The following TTN variants were observed in gnomAD, a reference collection of about 807,000 sequenced individuals.
TTN encodes the protein connectin.
In TTN, 1,525 loss-of-function variants were observed where a neutral mutation model predicts 3,223.0. That is an observed-to-expected ratio of 0.47 (90% CI 0.45 to 0.49). The LOEUF (loss-of-function observed/expected upper bound fraction) is 0.49. Among genes scored for constraint, TTN ranks in the 20% least tolerant of loss-of-function variants. The probability of loss-of-function intolerance (pLI) is 0.00; values close to 1 mark genes in which losing one functional copy is unlikely to be tolerated. For synonymous variants in TTN, 14,094 were observed against 15,161.0 expected, an observed-to-expected ratio of 0.93 and a Z score of 5.17; for missense variants, 40,786 against 43,424.0, an observed-to-expected ratio of 0.94 and a Z score of 5.40.
At chr2:178,639,409 G>A (rs2060931541) in intron 223 of TTN, among the ~76,000 whole-genome samples, 3 of 151,976 alleles carry the variant, frequency 2.0e-5, no homozygotes, top group Admixed American at 2.0e-4. Context: ...TGTCTCCTTA[G>A]TTTTTATCAG....
Position 178,740,779 on chromosome 2 carries a change from G to A in TTN, c.12454C>T (p.Leu4152=). Residue 4152 remains leucine (L), a synonymous_variant, in exon 48 of 363, where the codon CTG becomes TTG. Transcript: ENST00000589042. ...GTTTTCTGGGACTGTACAATCTGCA[G>A]CTGTAGGTTGGGAGATGGTTCCTTG... The part of the protein sequence containing the change: ...PLKEPSPNLQ[L]QIVQSQKTFS... The A allele has an allele frequency of 1.2e-6, 2 of 1,613,542 alleles. No homozygotes were observed. Among genetic ancestry groups the A allele is most frequent in the South Asian group, 1.1e-5 (1 of 91,070 alleles).
chr2:178,739,796 A>G lies in TTN; in HGVS notation c.13437T>C (p.Ala4479=). Residue 4479 remains alanine (A), a synonymous_variant, in exon 48 of 363, where the codon GCT becomes GCC. Coordinates refer to ENST00000589042, the MANE Select transcript of TTN (RefSeq NM_001267550.2). The part of the protein sequence containing the change: ...LKMELRDALC[A]IIYEEIDILT... The stretch of plus-strand genomic sequence containing the variant: ...GGATGTCTATTTCCTCATATATAAT[A>G]GCACACAAAGCATCCCTAAGTTCCA... 1 of 1,613,842 alleles carries G rather than the reference A, an allele frequency of 6.2e-7. No homozygotes were observed. The highest frequency in any genetic ancestry group is 8.5e-7 in the Non-Finnish European group (1 of 1,179,816).
Position 178,561,939 on chromosome 2 carries a change from C to G in TTN, c.84193G>C (p.Asp28065His), listed in dbSNP as rs764469970. The G allele has an allele frequency of 1.7e-5, 28 of 1,613,468 alleles. No homozygotes were observed. The South Asian group carries it at 2.3e-4, about 13-fold the overall frequency. The change falls in exon 326 of 363, where the codon GAT becomes CAT. Residue 28065 changes from aspartate (D) to histidine (H), a missense_variant. Transcript: ENST00000589042. ...RPGPPGPIRI[D>H]EVSCDSITIS... ...GTTATGCTGTCACAACTAACCTCAT[C>G]AATACGTATAGGACCTGGAGGTCCT... is the stretch of plus-strand genomic sequence containing the variant.
Position 178,622,760 on chromosome 2 carries a change from A to G in TTN, c.44823T>C (p.His14941=), listed in dbSNP as rs768424171. 3 of 1,599,206 alleles carry G rather than the reference A, an allele frequency of 1.9e-6. No homozygotes were observed. The highest frequency in any genetic ancestry group is 2.3e-5 in the South Asian group (2 of 88,368). ...TSCNLNVVPP[H]VEFLRPLTDL... is the part of the protein sequence containing the mutation. ...CGGTGAGTGGTCTTAAGAATTCCAC[A>G]TGAGGAGCTGTAAGAGAATGTCATC... The change falls in exon 243 of 363, where the codon CAT becomes CAC. Residue 14941 remains histidine (H), a synonymous_variant. Transcript: ENST00000589042.
rs776041749 is a variant in TTN at position 178,718,615 on chromosome 2, CAT to C, written c.24506-17_24506-16del. 2.1e-5 allele frequency: 34 copies of C among 1,605,608 alleles called. No homozygotes were observed. The East Asian group carries it at 2.2e-4, about 11-fold the overall frequency. On this transcript the variant is annotated splice_polypyrimidine_tract_variant and intron_variant, in intron 84 of 362. Transcript: ENST00000589042. ...GGTGGCTGGTTCTATAAGGAGAAAA[CAT>C]GTGGGTAAAATTCTTGCCTTCTAAT...
At chr2:178,578,528 T>A in intron 321 of TTN, 83 bp downstream of exon 321, 1 of 1,039,020 alleles carries the variant, frequency 9.6e-7, no homozygotes, top group South Asian at 1.5e-5. Context: ...ATGTTATCGA[T>A]AAGCACATGT....
chr2:178,767,917 T>C lies in TTN; in HGVS notation c.9313A>G (p.Ile3105Val). Residue 3105 changes from isoleucine (I) to valine (V), a missense_variant, in exon 40 of 363, where the codon ATT (isoleucine) becomes GTT (valine). Physicochemically the swap from Ile to Val is conservative, Grantham distance 29. Transcript: ENST00000589042. Reference sequence around the variant, plus strand: ...CGGTGGACATATTTCTCCTTCTGAATCTTTATTCTATGGATGAAATGGAAA... The same window carrying C: ...CGGTGGACATATTTCTCCTTCTGAACCTTTATTCTATGGATGAAATGGAAA... ...QELQITDRIK[I>V]QKEKYVHRLL... is the part of the protein sequence containing the mutation. 1 of 1,614,096 alleles carries C rather than the reference T, an allele frequency of 6.2e-7. No homozygotes were observed. Among genetic ancestry groups the C allele is most frequent in the Non-Finnish European group, 8.5e-7 (1 of 1,179,998 alleles).
At chr2:178,755,903 C>T (rs1246839623) in intron 46 of TTN, among the ~76,000 whole-genome samples, 3 of 152,202 alleles carry the variant, frequency 2.0e-5, no homozygotes, top group Non-Finnish European at 2.9e-5. Context: ...AAGTACTTCT[C>T]AGAATACAAC....
rs779424493 is a variant in TTN at position 178,776,718 on chromosome 2, G to A, written c.5146C>T (p.Arg1716Cys). The change falls in exon 28 of 363, where the codon CGC (arginine) becomes TGC (cysteine). Residue 1716 changes from arginine (R) to cysteine (C), a missense_variant. Transcript: ENST00000589042. ...CATTCAAAGTGGGCAGGCCCAAAGC[G>A]CTTAAGTCTTAAGGAAGTGAGTTTT... ...KKKLTSLRLK[R>C]FGPAHFECRL... The A allele has an allele frequency of 6.8e-6, 11 of 1,613,954 alleles. No homozygotes were observed. Among genetic ancestry groups the A allele is most frequent in the African/African-American group, 2.7e-5 (2 of 74,908 alleles).
At chr2:178,670,087 T>G in intron 157 of TTN, 131 bp downstream of exon 157, 3 of 570,766 alleles carry the variant, frequency 5.3e-6, no homozygotes. Flanking sequence ...CAGGATTATG[T>G]TATAGAACAT....
Position 178,746,972 on chromosome 2 carries a change from G to T in TTN, c.11312-5051C>A. 2.5e-6 allele frequency: 4 copies of T among 1,613,498 alleles called. No homozygotes were observed. In the South Asian group the frequency reaches 4.4e-5, roughly 18 times the overall value. On this transcript the variant is annotated intron_variant, in intron 47 of 362. Coordinates refer to ENST00000589042, the MANE Select transcript of TTN (RefSeq NM_001267550.2). ...AGGTGTGTAGAAATGCTCATTTGGT[G>T]TACCGTCTTCCCTTTCTATTTTTGA...
At chr2:178,544,595 A>T (rs1696160611) in intron 344 of TTN, 89 bp from the exon 345 acceptor site, 1 of 1,148,516 alleles carries the variant, frequency 8.7e-7, no homozygotes, top group Admixed American at 2.1e-5. Context: ...TCACAAAGGC[A>T]TTATTGCTCT....
Position 178,615,448 on chromosome 2 carries a change from T to C in TTN, c.48497A>G (p.Asp16166Gly), listed in dbSNP as rs2154206145. ...PDPPENVKWR[D>G]RTANSIFLTW... ...TAAGAAGATGCTATTGGCTGTTCGA[T>C]CTCTCCATTTAACATTCTCTGGTGG... Residue 16166 changes from aspartate to glycine, a missense_variant, in exon 259 of 363, where the codon GAT becomes GGT. By Grantham distance (94) the Asp-to-Gly change is moderately conservative (BLOSUM62 -1). Coordinates refer to ENST00000589042, the MANE Select transcript of TTN (RefSeq NM_001267550.2). The C allele has an allele frequency of 6.2e-7, 1 of 1,612,460 alleles. No individual in the cohort carries two copies. Among genetic ancestry groups the C allele is most frequent in the Non-Finnish European group, 8.5e-7 (1 of 1,178,954 alleles).
rs1489773324 is a variant in TTN at position 178,555,015 on chromosome 2, G to T, written c.88444C>A (p.Gln29482Lys). The change falls in exon 331 of 363, where the codon CAA (glutamine) becomes AAA (lysine). Residue 29482 changes from glutamine to lysine, a missense_variant. By Grantham distance (53) the Gln-to-Lys change is moderately conservative. Coordinates refer to ENST00000589042, the MANE Select transcript of TTN (RefSeq NM_001267550.2). ...IEWYKDDKEL[Q>K]TNALVCVENT... ...TCAACACACACCAGTGCATTGGTTT[G>T]TAATTCTTTATCATCTTTATACCAC... 6.2e-7 allele frequency: 1 copy of T among 1,613,566 alleles called. No individual in the cohort carries two copies. The highest frequency in any genetic ancestry group is 8.5e-7 in the Non-Finnish European group (1 of 1,179,810).
At chr2:178,690,737 T>G (rs759760524) in intron 121 of TTN, among the ~76,000 whole-genome samples, 1 of 152,180 alleles carries the variant, frequency 6.6e-6, no homozygotes, top group Non-Finnish European at 1.5e-5. Flanking sequence ...TTGGTGCAAT[T>G]ATATAGCTGT....
In TTN at chr2:178,578,592, A is replaced by G; in HGVS notation, c.68329+19T>C. On this transcript the variant is annotated intron_variant, in intron 321 of 362. Coordinates refer to ENST00000589042, the MANE Select transcript of TTN (RefSeq NM_001267550.2). ...GGAATCTTGATGTAAAAGCTGTAGG[A>G]TAAGAACAAACAAAATACCTGTAAT... 1 of 1,576,998 alleles carries G rather than the reference A, an allele frequency of 6.3e-7. No homozygotes were observed. The highest frequency in any genetic ancestry group is 8.7e-7 in the Non-Finnish European group (1 of 1,150,462).
Position 178,557,697 on chromosome 2 carries a change from G to A in TTN, c.87657C>T (p.Gly29219=). 4 of 1,613,960 alleles carry A rather than the reference G, an allele frequency of 2.5e-6. No homozygotes were observed. Among genetic ancestry groups the A allele is most frequent in the Non-Finnish European group, 3.4e-6 (4 of 1,179,854 alleles). The change falls in exon 328 of 363, where the codon GGC becomes GGT. Residue 29219 remains glycine, a synonymous_variant. Transcript: ENST00000589042. The part of the protein sequence containing the change: ...QFRIKAENRF[G]ISDHIDSACV... ...AAGCTGAATCTATATGATCACTGATGCCAAAGCGGTTTTCTGCCTTGATGC... is the reference window on the plus strand; with the variant it reads ...AAGCTGAATCTATATGATCACTGATACCAAAGCGGTTTTCTGCCTTGATGC...
rs794729565 is a variant in TTN at position 178,532,076 on chromosome 2, A to G, written c.104539T>C (p.Tyr34847His). 14 of 1,613,754 alleles carry G rather than the reference A, an allele frequency of 8.7e-6. No homozygotes were observed. Among genetic ancestry groups the G allele is most frequent in the Non-Finnish European group, 1.2e-5 (14 of 1,179,856 alleles). Residue 34847 changes from tyrosine to histidine, a missense_variant, in exon 358 of 363, where the codon TAT (tyrosine) becomes CAT (histidine). Tyr to His is a moderately conservative substitution (Grantham distance 83). Coordinates refer to ENST00000589042, the MANE Select transcript of TTN (RefSeq NM_001267550.2). ...GACACTGGCCTCATTAACTCAATAT[A>G]AGTTGGAGACAGGGAGCGCCGTCGT... Reference protein sequence around the residue: ...LRRRRSLSPTYIELMRPVSEL... With the variant: ...LRRRRSLSPTHIELMRPVSEL...
In TTN at chr2:178,681,708, A is replaced by C; in HGVS notation, c.33125T>G (p.Val11042Gly). 1 of 1,602,944 alleles carries C rather than the reference A, an allele frequency of 6.2e-7. No homozygotes were observed. Among genetic ancestry groups the C allele is most frequent in the East Asian group, 2.2e-5 (1 of 44,784 alleles). ...EPEKPIPVKP[V>G]PEEPVPTKPK... The stretch of plus-strand genomic sequence containing the variant: ...TTTTGTGGGAACTGGTTCTTCTGGG[A>C]CAGGCTTTACAGGGATAGGCTTCTC... The change falls in exon 136 of 363, where the codon GTC becomes GGC. Residue 11042 changes from valine (V) to glycine (G), a missense_variant. By Grantham distance (109) the Val-to-Gly change is moderately radical. Coordinates refer to ENST00000589042, the MANE Select transcript of TTN (RefSeq NM_001267550.2).
Sources: gnomAD v4.1 joint callset for allele counts (sites outside exome capture counted in the v4.1 genomes callset) on GRCh38, gnomAD v4.1.1 for gene constraint, MANE v1.5 for transcripts, NCBI Gene and HGNC (gene_info 2026-07-23, HGNC 2026-07-21) for gene names.